Variants in BMPR1B observed in about 807,000 individuals in gnomAD.
The protein encoded by BMPR1B is bone morphogenetic protein receptor type-1B.
Under a neutral mutation model 59.1 loss-of-function variants are expected in BMPR1B, and 12 were observed. The ratio of observed to expected loss-of-function variants is 0.20; its 90% CI spans 0.13 to 0.33. The LOEUF (loss-of-function observed/expected upper bound fraction) is 0.33. BMPR1B is among the 10% of genes least tolerant of loss of function. BMPR1B has a pLI of 1.00. For missense variants in BMPR1B, 550 were observed against 610.9 expected, an observed-to-expected ratio of 0.90 and a Z score of 1.05; for synonymous variants, 237 against 207.3, an observed-to-expected ratio of 1.14 and a Z score of -1.23.
At chr4:95,117,779 CTCTT>C (rs1429843336) in intron 6 of BMPR1B, among the ~76,000 whole-genome samples, 1 of 152,068 alleles carries the variant, frequency 6.6e-6, no homozygotes, top group Non-Finnish European at 1.5e-5. Flanking sequence ...GAATGAGACA[CTCTT>C]TCTAAAAAAA....
At chr4:94,829,441 T>C (rs1463287837) in intron 1 of BMPR1B, among the ~76,000 whole-genome samples, 2 of 151,802 alleles carry the variant, frequency 1.3e-5, no homozygotes, top group Non-Finnish European at 2.9e-5. Flanking sequence ...GCCTGGATGA[T>C]TTTTGTAGAA....
chr4:94,839,827 C>T lies in BMPR1B; in HGVS notation c.-182-36004C>T, dbSNP rs556965177. On this transcript the variant is annotated intron_variant, in intron 1 of 12. Coordinates refer to ENST00000515059, the MANE Select transcript of BMPR1B (RefSeq NM_001203.3). ...TATGATGTTAGCTGGTTATTTTGCT[C>T]GTTAGTTGATGCAGTTTCTTCCTAG... is the stretch of plus-strand genomic sequence containing the variant. Among the ~76,000 whole-genome samples, 1,399 of 148,562 alleles carry T rather than the reference C, an allele frequency of 9.4e-3. 27 individuals are homozygous for T. Among genetic ancestry groups the T allele is most frequent in the African/African-American group, 0.033 (1,311 of 39,878 alleles).
At chr4:94,902,046 GGTGTGTGTGTGTGTGT>G (rs34068392) in intron 2 of BMPR1B, among the ~76,000 whole-genome samples, 18,961 of 119,238 alleles carry the variant, frequency 0.16, 1,551 homozygotes, top group Admixed American at 0.25. Flanking sequence ...CAGACTGCAT[GGTGTGTGTGTGTGTGT>G]GTGTGTGTGT....
At chr4:94,802,032 G>A (rs1723428474) in intron 1 of BMPR1B, among the ~76,000 whole-genome samples, 1 of 152,140 alleles carries the variant, frequency 6.6e-6, no homozygotes, top group African/African-American at 2.4e-5. Context: ...GTATATTAAG[G>A]TGTTGATTAA....
chr4:94,980,580 A>C (rs930367280), intron 2 of BMPR1B, among the ~76,000 whole-genome samples: 2 of 152,094 alleles, frequency 1.3e-5, no homozygotes, highest in Admixed American at 6.5e-5. Context: ...GTGAATTGGC[A>C]TATGTGCATT....
intron 3 of BMPR1B, among the ~76,000 whole-genome samples, chr4:95,026,101 T>TCTTTCTTTCTTTCTTTC (rs1724350167): frequency 8.4e-6 from 1 of 118,796 alleles, no homozygotes; most frequent in Non-Finnish European, 1.7e-5. Context: ...TTCTTTCATT[T>TCTTTCTTTCTTTCTTTC]CTTTCTTTCT....
Position 95,043,152 on chromosome 4 carries a change from G to A in BMPR1B, c.-18+47018G>A, listed in dbSNP as rs1242586315. ...ATTGCGCCACTGCAGTCCGCAGTCC[G>A]GCCTGGGCGACAGAGCGAGACTCCG... On this transcript the variant is annotated intron_variant, in intron 3 of 12. Transcript: ENST00000515059. 1.9e-3 allele frequency among the ~76,000 whole-genome samples: 249 copies of A among 128,126 alleles called. 2 individuals are homozygous for A. Among genetic ancestry groups the A allele is most frequent in the South Asian group, 6.6e-3 (25 of 3,780 alleles). The allele number at this position is 128,126 out of a possible 152,430, so 84.1% of individuals were successfully genotyped here. A position where few individuals can be genotyped will look rare whatever the true frequency, so the allele number is the denominator to read the frequency against.
At chr4:95,013,631 A>G (rs996971908) in intron 3 of BMPR1B, among the ~76,000 whole-genome samples, 2 of 152,334 alleles carry the variant, frequency 1.3e-5, no homozygotes, top group Middle Eastern at 3.4e-3. Flanking sequence ...TCGGAATAGC[A>G]CTACTGATAC....
chr4:94,948,605 G>C (rs1194333107), intron 2 of BMPR1B, among the ~76,000 whole-genome samples: 1 of 152,154 alleles, frequency 6.6e-6, no homozygotes, highest in Non-Finnish European at 1.5e-5. Context: ...TTTTGAGGAG[G>C]TCAGGTCCTT....
In BMPR1B at chr4:95,042,670, C is replaced by T. The variant is rs183763905; in HGVS notation, c.-18+46536C>T. ...TGCCTCACAAACAGTAAAAGATGGCCAAATAGTATGTATCATGATCATTAT... is the reference window on the plus strand; with the variant it reads ...TGCCTCACAAACAGTAAAAGATGGCTAAATAGTATGTATCATGATCATTAT... On this transcript the variant is annotated intron_variant, in intron 3 of 12. Transcript: ENST00000515059. 1.7e-3 allele frequency among the ~76,000 whole-genome samples: 254 copies of T among 152,198 alleles called. 2 individuals are homozygous for T. Among genetic ancestry groups the T allele is most frequent in the African/African-American group, 5.9e-3 (247 of 41,536 alleles).
At chr4:94,936,936 C>T (rs1172375157) in intron 2 of BMPR1B, among the ~76,000 whole-genome samples, 2 of 151,994 alleles carry the variant, frequency 1.3e-5, no homozygotes, top group African/African-American at 4.8e-5. Context: ...AACTGTCTAC[C>T]ATTTCATCAG....
At chr4:94,999,351 C>G (rs1722280157) in intron 3 of BMPR1B, among the ~76,000 whole-genome samples, 1 of 151,994 alleles carries the variant, frequency 6.6e-6, no homozygotes, top group East Asian at 1.9e-4. Flanking sequence ...GAAAGCCTCT[C>G]AAGTAGATGG....
intron 8 of BMPR1B, among the ~76,000 whole-genome samples, chr4:95,128,238 G>A (rs770050398): frequency 2.3e-4 from 35 of 152,166 alleles, no homozygotes; most frequent in Non-Finnish European, 4.0e-4. Flanking sequence ...GGTTGCTGAC[G>A]ATAAGATGAG....
At chr4:95,102,591 G>A (rs1486820497) in intron 3 of BMPR1B, among the ~76,000 whole-genome samples, 1 of 152,110 alleles carries the variant, frequency 6.6e-6, no homozygotes, top group Non-Finnish European at 1.5e-5. Flanking sequence ...ACCAGGTTTA[G>A]AAAGAAGGAG....
intron 3 of BMPR1B, among the ~76,000 whole-genome samples, chr4:95,046,832 C>T (rs562129724): frequency 6.6e-6 from 1 of 152,244 alleles, no homozygotes; most frequent in Non-Finnish European, 1.5e-5. Context: ...AGAAGAAGAA[C>T]GCCTCAGACA....
chr4:94,945,574 A>G (rs933339576), intron 2 of BMPR1B, among the ~76,000 whole-genome samples: 2 of 152,148 alleles, frequency 1.3e-5, no homozygotes, highest in East Asian at 1.9e-4. Context: ...AGCTGGGACT[A>G]CAAGTACATG....
In BMPR1B at chr4:94,813,560, G is replaced by T. The variant is rs187645713; in HGVS notation, c.-183+55492G>T. Among the ~76,000 whole-genome samples, 13 of 152,272 alleles carry T rather than the reference G, an allele frequency of 8.5e-5. No homozygotes were observed. The East Asian group carries it at 2.3e-3, about 27-fold the overall frequency. ...AGATGGAGGGCCTATCACTGGAATCGTGCAGGCTGTTGTCAGGCTCGATCT... is the reference window on the plus strand; with the variant it reads ...AGATGGAGGGCCTATCACTGGAATCTTGCAGGCTGTTGTCAGGCTCGATCT... On this transcript the variant is annotated intron_variant, in intron 1 of 12. Transcript: ENST00000515059.
chr4:95,148,651 A>C (rs534888403), intron 10 of BMPR1B, 97 bp from the exon 11 acceptor site: 1 of 1,282,572 alleles, frequency 7.8e-7, no homozygotes, highest in African/African-American at 1.5e-5. Context: ...TTTCTTTTCC[A>C]CTTTTCACTA....
At chr4:94,853,336 G>T (rs572335152) in intron 1 of BMPR1B, among the ~76,000 whole-genome samples, 129 of 152,248 alleles carry the variant, frequency 8.5e-4, no homozygotes, top group Non-Finnish European at 1.6e-3. Context: ...GTGTCCAATT[G>T]TAAAGCTAAG....
Sources: gnomAD v4.1 joint callset for allele counts (sites outside exome capture counted in the v4.1 genomes callset) on GRCh38, gnomAD v4.1.1 for gene constraint, MANE v1.5 for transcripts, NCBI Gene and HGNC (gene_info 2026-07-23, HGNC 2026-07-21) for gene names.